The following CENPW variants were observed in gnomAD, a reference collection of about 807,000 sequenced individuals.
CENPW encodes the protein cancer-up-regulated gene 2 protein.
In CENPW, 3 loss-of-function variants were observed where a neutral mutation model predicts 11.1. The ratio of observed to expected loss-of-function variants is 0.27; its 90% CI spans 0.12 to 0.70. CENPW has a LOEUF of 0.70. Ranked by LOEUF, CENPW falls within the 30% of genes least tolerant of loss-of-function variation. The pLI is 0.77. For synonymous variants in CENPW, 38 were observed against 42.0 expected (o/e 0.91, Z 0.37); for missense variants, 100 against 105.6 (o/e 0.95, Z 0.23).
At chr6:126,440,630 C>A in the CENPW span, among the ~76,000 whole-genome samples, 1 of 149,456 alleles carries the variant, frequency 6.7e-6, no homozygotes, top group Non-Finnish European at 1.5e-5. Context: ...TCATATCAAA[C>A]AAACTGAACA....
chr6:126,475,582 T>C, the CENPW span, among the ~76,000 whole-genome samples: 1 of 152,032 alleles, frequency 6.6e-6, no homozygotes, highest in African/African-American at 2.4e-5. Flanking sequence ...GAACAATGGC[T>C]TTGCATCTAG....
the CENPW span, among the ~76,000 whole-genome samples, chr6:126,418,806 T>A: frequency 6.6e-6 from 1 of 151,614 alleles, no homozygotes; most frequent in Non-Finnish European, 1.5e-5. Context: ...CTGGAAACCA[T>A]CATTCTCAGC....
the CENPW span, among the ~76,000 whole-genome samples, chr6:126,355,596 G>A: frequency 6.6e-6 from 1 of 152,024 alleles, no homozygotes; most frequent in African/African-American, 2.4e-5. Context: ...GATATTTTAA[G>A]TTTGTCCATT....
the CENPW span, among the ~76,000 whole-genome samples, chr6:126,381,630 C>T: frequency 6.6e-6 from 1 of 152,180 alleles, no homozygotes; most frequent in Non-Finnish European, 1.5e-5. Flanking sequence ...CTCTAGCACC[C>T]TGCCGCCAGC....
chr6:126,408,128 C>T, the CENPW span, among the ~76,000 whole-genome samples: 1 of 152,156 alleles, frequency 6.6e-6, no homozygotes, highest in African/African-American at 2.4e-5. Flanking sequence ...ACTGGGTAGC[C>T]ATATGCATAA....
chr6:126,365,593 C>G, the CENPW span, among the ~76,000 whole-genome samples: 2 of 152,144 alleles, frequency 1.3e-5, no homozygotes, highest in Non-Finnish European at 2.9e-5. Flanking sequence ...CTCCTGTAAT[C>G]TTGAGAATTA....
the CENPW span, among the ~76,000 whole-genome samples, chr6:126,434,294 C>T: frequency 6.6e-6 from 1 of 152,030 alleles, no homozygotes; most frequent in East Asian, 1.9e-4. Context: ...ACCAAGAAAT[C>T]AGCAGTTAAA....
the CENPW span, among the ~76,000 whole-genome samples, chr6:126,415,341 T>A: frequency 6.6e-6 from 1 of 152,220 alleles, no homozygotes; most frequent in Non-Finnish European, 1.5e-5. Flanking sequence ...CTTCTTTATT[T>A]GTCCTGATTT....
At chr6:126,463,992 A>G in the CENPW span, among the ~76,000 whole-genome samples, 1 of 152,096 alleles carries the variant, frequency 6.6e-6, no homozygotes, top group Non-Finnish European at 1.5e-5. Context: ...CAGAGACATA[A>G]TAAGATCTTT....
the CENPW span, among the ~76,000 whole-genome samples, chr6:126,397,221 A>G: frequency 6.6e-6 from 1 of 152,066 alleles, no homozygotes; most frequent in African/African-American, 2.4e-5. Context: ...CTGAAACTCA[A>G]GTTTCAACCC....
chr6:126,466,888 A>G, the CENPW span, among the ~76,000 whole-genome samples: 2 of 152,272 alleles, frequency 1.3e-5, no homozygotes, highest in South Asian at 2.1e-4. Flanking sequence ...CATATTCACA[A>G]TTACCACAAA....
chr6:126,460,272 T>C, the CENPW span, among the ~76,000 whole-genome samples: 3 of 151,680 alleles, frequency 2.0e-5, no homozygotes, highest in South Asian at 6.2e-4. Context: ...ATTTAAGATT[T>C]GTAAGTATTT....
At chr6:126,456,252 C>G in the CENPW span, among the ~76,000 whole-genome samples, 1 of 151,284 alleles carries the variant, frequency 6.6e-6, no homozygotes, top group South Asian at 2.1e-4. Context: ...CCAAGGCATT[C>G]CTAAGCAAAA....
the CENPW span, among the ~76,000 whole-genome samples, chr6:126,425,746 ACT>A: frequency 4.6e-5 from 7 of 151,786 alleles, no homozygotes; most frequent in African/African-American, 1.7e-4. Context: ...TCATCTGTAC[ACT>A]AGTTCTTTCC....
chr6:126,344,341 T>G (rs1321422197), intron 1 of CENPW, among the ~76,000 whole-genome samples: 1 of 152,190 alleles, frequency 6.6e-6, no homozygotes, highest in Non-Finnish European at 1.5e-5. Context: ...AGGTTGCATT[T>G]GAATTCTCAG....
At chr6:126,363,903 G>T in the CENPW span, among the ~76,000 whole-genome samples, 1 of 152,178 alleles carries the variant, frequency 6.6e-6, no homozygotes, top group Non-Finnish European at 1.5e-5. Context: ...AGATAACAGT[G>T]CTACATGGGA....
chr6:126,434,221 T>C, the CENPW span, among the ~76,000 whole-genome samples: 6 of 152,076 alleles, frequency 3.9e-5, no homozygotes, highest in Non-Finnish European at 8.8e-5. Flanking sequence ...GGTAGTTTGC[T>C]TGATACCAAC....
At chr6:126,410,632 A>G in the CENPW span, among the ~76,000 whole-genome samples, 1 of 151,208 alleles carries the variant, frequency 6.6e-6, no homozygotes, top group Non-Finnish European at 1.5e-5. Flanking sequence ...GCTCTCATAT[A>G]TCAAATATTT....
chr6:126,454,673 A>T, the CENPW span, among the ~76,000 whole-genome samples: 2 of 151,230 alleles, frequency 1.3e-5, no homozygotes, highest in Admixed American at 1.3e-4. Context: ...TGAGAGAAAC[A>T]AGAGGAAAAC....
Sources: allele counts gnomAD v4.1 joint callset (sites outside exome capture counted in the v4.1 genomes callset), GRCh38; gene constraint gnomAD v4.1.1; transcripts MANE v1.5; gene names NCBI Gene and HGNC (gene_info 2026-07-23, HGNC 2026-07-21).